Variants in FGD4 observed in about 807,000 individuals in gnomAD.
The protein encoded by FGD4 is FYVE, RhoGEF and PH domain containing 4.
A neutral mutation model predicts 102.0 loss-of-function variants in FGD4; 42 were observed. The ratio of observed to expected loss-of-function variants is 0.41; its 90% CI spans 0.32 to 0.53. The LOEUF (loss-of-function observed/expected upper bound fraction) is 0.53, where lower values mean the gene tolerates loss of function less well. Ranked by LOEUF, FGD4 falls within the 20% of genes least tolerant of loss-of-function variation. FGD4 has a pLI of 0.21. For missense variants in FGD4, 902 were observed against 1,078.2 expected, an observed-to-expected ratio of 0.84 and a Z score of 2.29; for synonymous variants, 380 against 375.7, an observed-to-expected ratio of 1.01 and a Z score of -0.13.
chr12:32,555,114 A>C (rs1339971669), intron 1 of FGD4, among the ~76,000 whole-genome samples: 2 of 152,204 alleles, frequency 1.3e-5, no homozygotes, highest in African/African-American at 2.4e-5. Context: ...AAATTATGGT[A>C]GTTTAGGCTG....
At chr12:32,628,777 C>T (rs1005302986) in intron 14 of FGD4, among the ~76,000 whole-genome samples, 1 of 151,802 alleles carries the variant, frequency 6.6e-6, no homozygotes, top group African/African-American at 2.4e-5. Context: ...CAGAGCAAGA[C>T]CGTCTAAAAA....
At chr12:32,412,968 C>G (rs1175699754) in intron 1 of FGD4, among the ~76,000 whole-genome samples, 2 of 133,294 alleles carry the variant, frequency 1.5e-5, no homozygotes, top group African/African-American at 5.8e-5. Flanking sequence ...CCCAACTACT[C>G]AGGGGACTGA....
intron 12 of FGD4, chr12:32,624,740 C>T: frequency 1.6e-6 from 1 of 642,430 alleles, no homozygotes; most frequent in Non-Finnish European, 2.8e-6. Context: ...TCCCAAAGTG[C>T]TGGGATTACA....
intron 1 of FGD4, among the ~76,000 whole-genome samples, chr12:32,521,963 A>G (rs539515385): frequency 6.6e-6 from 1 of 152,362 alleles, no homozygotes; most frequent in African/African-American, 2.4e-5. Context: ...AGTTGACAAT[A>G]TATAGATTGC....
chr12:32,620,983 A>G (rs1281833763), intron 11 of FGD4, among the ~76,000 whole-genome samples: 1 of 151,986 alleles, frequency 6.6e-6, no homozygotes, highest in East Asian at 1.9e-4. Context: ...TTTAAAGGAT[A>G]AAAATCCATG....
At chr12:32,438,616 GT>G (rs539998283) in intron 1 of FGD4, among the ~76,000 whole-genome samples, 14 of 146,526 alleles carry the variant, frequency 9.6e-5, no homozygotes, top group South Asian at 2.1e-4. Flanking sequence ...GTTTGTGTGT[GT>G]TTTTTTTTTT....
intron 1 of FGD4, among the ~76,000 whole-genome samples, chr12:32,524,823 C>CA (rs58484492): frequency 0.038 from 4,814 of 126,426 alleles, 134 homozygotes; most frequent in South Asian, 0.13. Flanking sequence ...GACACTGTTT[C>CA]AAAAAAAAAA....
chr12:32,515,910 C>T (rs1363622619), intron 1 of FGD4, among the ~76,000 whole-genome samples: 1 of 152,200 alleles, frequency 6.6e-6, no homozygotes, highest in Non-Finnish European at 1.5e-5. Flanking sequence ...GAATGCAATA[C>T]ACCTTTTAAA....
At chr12:32,459,948 C>T (rs1434689815) in intron 1 of FGD4, among the ~76,000 whole-genome samples, 1 of 151,890 alleles carries the variant, frequency 6.6e-6, no homozygotes, top group African/African-American at 2.4e-5. Context: ...TCAAGTGATC[C>T]CCCCACCTCA....
intron 1 of FGD4, among the ~76,000 whole-genome samples, chr12:32,507,044 G>A (rs935072663): frequency 2.0e-5 from 3 of 151,032 alleles, no homozygotes; most frequent in African/African-American, 4.9e-5. Context: ...TCGTCATTTA[G>A]CATTAGGTAT....
chr12:32,482,383 A>G, intron 1 of FGD4, among the ~76,000 whole-genome samples: 1 of 152,186 alleles, frequency 6.6e-6, no homozygotes, highest in East Asian at 1.9e-4. Context: ...CCAGCTTACC[A>G]ATGGTAGCTT....
At chr12:32,604,823 C>G (rs1246050854) in intron 7 of FGD4, among the ~76,000 whole-genome samples, 1 of 152,098 alleles carries the variant, frequency 6.6e-6, no homozygotes, top group Non-Finnish European at 1.5e-5. Flanking sequence ...ACCGTTCTTA[C>G]CCAAAGTTCA....
chr12:32,551,016 C>T (rs1375272753), intron 1 of FGD4, among the ~76,000 whole-genome samples: 1 of 152,162 alleles, frequency 6.6e-6, no homozygotes, highest in Non-Finnish European at 1.5e-5. Context: ...AAGGTCCATA[C>T]ATTTGTAAAT....
rs986901291 is a variant in FGD4 at position 32,642,766 on chromosome 12, C to T, written c.*2233C>T. The T allele has an allele frequency of 6.6e-6, 1 of 152,278 alleles. No individual in the cohort carries two copies. The highest frequency in any genetic ancestry group is 6.5e-5 in the Admixed American group (1 of 15,272). The allele number at this position is 152,278 out of a possible 1,614,324, so 9.4% of individuals were successfully genotyped here. On this transcript the variant is annotated 3_prime_UTR_variant, in exon 17 of 17. Transcript: ENST00000534526. Reference sequence around the variant, plus strand: ...TTCCACCCCACATTCTTCAGCTAAACGCAAAGAGAAGCAGTGAAACAGCCT... The same window carrying T: ...TTCCACCCCACATTCTTCAGCTAAATGCAAAGAGAAGCAGTGAAACAGCCT...
intron 3 of FGD4, chr12:32,579,776 C>T (rs939973126): frequency 6.6e-6 from 1 of 152,214 alleles, no homozygotes; most frequent in African/African-American, 2.4e-5. Context: ...TTGCCCACCT[C>T]CAATTTTTAT....
At chr12:32,635,476 G>C (rs1280350671) in intron 15 of FGD4, among the ~76,000 whole-genome samples, 1 of 152,166 alleles carries the variant, frequency 6.6e-6, no homozygotes, top group Non-Finnish European at 1.5e-5. Flanking sequence ...TAGGAGACAA[G>C]TATGTACATG....
Position 32,610,819 on chromosome 12 carries a change from T to C in FGD4, c.1587T>C (p.Ser529=). 1 of 1,613,706 alleles carries C rather than the reference T, an allele frequency of 6.2e-7. No homozygotes were observed. Among genetic ancestry groups the C allele is most frequent in the South Asian group, 1.1e-5 (1 of 91,070 alleles). ...CTACAGCAGCAAGCCATTCTAATAG[T>C]GCAATAAGGAAAATGGTAAGTGGTT... ...IISTAASHSN[S]AIRKMENLKK... is the part of the protein sequence containing the mutation. Residue 529 remains serine (S), a synonymous_variant, in exon 9 of 17, where the codon AGT becomes AGC. Coordinates refer to ENST00000534526, the MANE Select transcript of FGD4 (RefSeq NM_001370298.3).
Position 32,487,379 on chromosome 12 carries a change from G to A in FGD4, c.167-76758G>A, listed in dbSNP as rs1293202294. Among the ~76,000 whole-genome samples, 4 of 151,966 alleles carry A rather than the reference G, an allele frequency of 2.6e-5. No homozygotes were observed. In the East Asian group the frequency reaches 5.8e-4, roughly 22 times the overall value. ...TTTACACTTTTACTTATATGTGACA[G>A]GCAGCGATGTGCTTGCAATTTTAAA... On this transcript the variant is annotated intron_variant, in intron 1 of 16. Transcript: ENST00000534526.
At chr12:32,570,170 G>C (rs1020990557) in intron 2 of FGD4, among the ~76,000 whole-genome samples, 52 of 150,780 alleles carry the variant, frequency 3.4e-4, no homozygotes, top group African/African-American at 1.2e-3. Flanking sequence ...GAACCCAGGA[G>C]GTGGAGGTTG....
Sources: allele counts gnomAD v4.1 joint callset (sites outside exome capture counted in the v4.1 genomes callset), GRCh38; gene constraint gnomAD v4.1.1; transcripts MANE v1.5; gene names NCBI Gene and HGNC (gene_info 2026-07-23, HGNC 2026-07-21).